Variants in ARID1B observed in about 807,000 individuals in gnomAD.
ARID1B encodes AT-rich interactive domain-containing protein 1B.
Under a neutral mutation model 212.3 loss-of-function variants are expected in ARID1B, and 30 were observed. The observed-to-expected ratio is 0.14, with a 90% CI of 0.11 to 0.19. ARID1B has a LOEUF of 0.19. Among genes scored for constraint, ARID1B ranks in the 10% least tolerant of loss-of-function variants. The pLI, the probability that ARID1B is intolerant of heterozygous loss-of-function variation, is 1.00. For missense variants in ARID1B, 2,891 were observed against 3,204.0 expected, an observed-to-expected ratio of 0.90 and a Z score of 2.36; for synonymous variants, 1,402 against 1,301.7, an observed-to-expected ratio of 1.08 and a Z score of -1.66.
chr6:157,167,205 G>A lies in ARID1B; in HGVS notation c.3235+20G>A, dbSNP rs778923987. On this transcript the variant is annotated intron_variant, in intron 9 of 19. Coordinates refer to ENST00000636930, the MANE Select transcript of ARID1B (RefSeq NM_001374828.1). ...CGGCAGGTAACCTTGGCAGCTCTGC[G>A]CTCCTGAGCCCCTCTCTCTCCCCTC... 34 of 1,599,330 alleles carry A rather than the reference G, an allele frequency of 2.1e-5. No individual in the cohort carries two copies. Among genetic ancestry groups the A allele is most frequent in the Admixed American group, 1.0e-4 (6 of 59,480 alleles).
At chr6:157,032,020 C>T (rs897442076) in intron 4 of ARID1B, among the ~76,000 whole-genome samples, 3 of 152,186 alleles carry the variant, frequency 2.0e-5, no homozygotes, top group African/African-American at 4.8e-5. Flanking sequence ...TGGTCTCGAA[C>T]TCCTGACCTC....
At chr6:156,838,638 A>G (rs2128076848) in intron 2 of ARID1B, among the ~76,000 whole-genome samples, 1 of 152,086 alleles carries the variant, frequency 6.6e-6, no homozygotes, top group South Asian at 2.1e-4. Context: ...TGGGTGCAGC[A>G]AACCAACATG....
At chr6:157,088,292 C>G (rs1475307599) in intron 5 of ARID1B, among the ~76,000 whole-genome samples, 1 of 152,192 alleles carries the variant, frequency 6.6e-6, no homozygotes, top group Non-Finnish European at 1.5e-5. Context: ...GGGGAGTAGT[C>G]CATGGCTTGA....
In ARID1B at chr6:157,070,305, A is replaced by C. The variant is rs192275315; in HGVS notation, c.2248-14357A>C. Reference sequence around the variant, plus strand: ...GTAGTACATGAAATCAGGTCTTCAGATCTTTTCTCCTTTGAATAAAAATCT... The same window carrying C: ...GTAGTACATGAAATCAGGTCTTCAGCTCTTTTCTCCTTTGAATAAAAATCT... On this transcript the variant is annotated intron_variant, in intron 4 of 19. Coordinates refer to ENST00000636930, the MANE Select transcript of ARID1B (RefSeq NM_001374828.1). Among the ~76,000 whole-genome samples, 763 of 152,160 alleles carry C rather than the reference A, an allele frequency of 5.0e-3. 8 individuals carry two copies. Among genetic ancestry groups the C allele is most frequent in the Non-Finnish European group, 6.5e-3 (445 of 68,012 alleles).
chr6:156,937,656 T>C (rs1459151619), intron 4 of ARID1B: 8 of 152,158 alleles, frequency 5.3e-5, no homozygotes, highest in Non-Finnish European at 7.3e-5. Context: ...ACTGAAGAGT[T>C]TGGTCTGGGA....
At chr6:156,882,821 A>G (rs754518785) in intron 2 of ARID1B, among the ~76,000 whole-genome samples, 7 of 152,216 alleles carry the variant, frequency 4.6e-5, no homozygotes, top group Non-Finnish European at 1.0e-4. Context: ...CAGTGACAAC[A>G]TTTTATAATG....
Position 157,197,317 on chromosome 6 carries a change from G to A in ARID1B, c.4382+1002G>A, listed in dbSNP as rs146865510. Among the ~76,000 whole-genome samples, 1,373 of 152,370 alleles carry A rather than the reference G, an allele frequency of 9.0e-3. 22 individuals carry two copies. Among genetic ancestry groups the A allele is most frequent in the African/African-American group, 0.031 (1,304 of 41,588 alleles). ...CGGGATCGCGGCCTTCGGAAGCTGC[G>A]TGTGCTGTTCTACCGGGGACCGGCT... On this transcript the variant is annotated intron_variant, in intron 16 of 19. Transcript: ENST00000636930.
intron 3 of ARID1B, among the ~76,000 whole-genome samples, chr6:156,909,525 T>G (rs1789700441): frequency 6.6e-6 from 1 of 152,212 alleles, no homozygotes; most frequent in South Asian, 2.1e-4. Context: ...TAGCCCCAGT[T>G]GTCTTCAGAA....
chr6:157,189,538 C>G (rs1231817989), intron 13 of ARID1B, 104 bp from the exon 14 acceptor site: 7 of 1,306,886 alleles, frequency 5.4e-6, no homozygotes, highest in Non-Finnish European at 6.2e-6. Context: ...AAGATGGTGT[C>G]TTATTTACAT....
chr6:156,806,573 A>G (rs1028410796), intron 1 of ARID1B, among the ~76,000 whole-genome samples: 2 of 152,208 alleles, frequency 1.3e-5, no homozygotes, highest in Non-Finnish European at 2.9e-5. Flanking sequence ...TCTAGTCCTC[A>G]CAGTAATCTT....
intron 4 of ARID1B, among the ~76,000 whole-genome samples, chr6:157,006,046 A>AC (rs967810828): frequency 4.7e-5 from 7 of 149,112 alleles, no homozygotes; most frequent in Non-Finnish European, 1.0e-4. Flanking sequence ...ACCCCACAAC[A>AC]CCCCCCATTG....
At position 157,209,481 on chromosome 6, in the gene ARID1B, C is replaced by CT. The variant is rs1413183824; in HGVS notation, c.*1591dup. On this transcript the variant is annotated 3_prime_UTR_variant, in exon 20 of 20. Transcript: ENST00000636930. ...TAGTCTTTCTTTGAAGCAATTAACT[C>CT]TAACGACATTGAGGTATGATCATTT... The CT allele has an allele frequency of 4.3e-5, 10 of 232,786 alleles. No individual in the cohort carries two copies. Among genetic ancestry groups the CT allele is most frequent in the South Asian group, 1.8e-4 (1 of 5,524 alleles). 14.4% of individuals were successfully genotyped at this position (232,786 alleles called of 1,614,324 possible). A position where few individuals can be genotyped will look rare whatever the true frequency, so the allele number is the denominator to read the frequency against.
chr6:156,837,849 G>T (rs1344121278), intron 2 of ARID1B, among the ~76,000 whole-genome samples: 1 of 152,282 alleles, frequency 6.6e-6, no homozygotes, highest in Non-Finnish European at 1.5e-5. Flanking sequence ...CTCAGGCCTC[G>T]AGAGCAACTC....
At chr6:156,833,379 A>T (rs1373212810) in intron 2 of ARID1B, among the ~76,000 whole-genome samples, 2 of 152,216 alleles carry the variant, frequency 1.3e-5, no homozygotes, top group African/African-American at 2.4e-5. Flanking sequence ...ACCCAGGAGA[A>T]ATAGCTTACA....
intron 2 of ARID1B, among the ~76,000 whole-genome samples, chr6:156,865,348 A>G (rs1174413548): frequency 6.6e-6 from 1 of 152,186 alleles, no homozygotes; most frequent in Admixed American, 6.5e-5. Flanking sequence ...TTATAGATTG[A>G]GAATGGAATT....
intron 4 of ARID1B, among the ~76,000 whole-genome samples, chr6:157,002,549 C>T (rs1416792215): frequency 8.5e-5 from 13 of 152,216 alleles, no homozygotes; most frequent in Non-Finnish European, 1.6e-4. Context: ...TTCCTGAGGC[C>T]TCCTCATTCT....
chr6:157,050,653 A>G (rs1782539697), intron 4 of ARID1B, among the ~76,000 whole-genome samples: 1 of 152,224 alleles, frequency 6.6e-6, no homozygotes, highest in African/African-American at 2.4e-5. Flanking sequence ...GAGGGCTTCA[A>G]TTTTGGTAGT....
At chr6:157,117,517 A>C (rs1196438891) in intron 6 of ARID1B, among the ~76,000 whole-genome samples, 1 of 152,158 alleles carries the variant, frequency 6.6e-6, no homozygotes, top group Non-Finnish European at 1.5e-5. Context: ...CAGGGGAAAA[A>C]GAATGAATTC....
intron 1 of ARID1B, among the ~76,000 whole-genome samples, chr6:156,824,450 A>G (rs1782599835): frequency 1.3e-5 from 2 of 152,352 alleles, no homozygotes; most frequent in East Asian, 3.9e-4. Flanking sequence ...GAAAATGGTC[A>G]TACCCGGATA....
Sources: gnomAD v4.1 joint callset for allele counts (sites outside exome capture counted in the v4.1 genomes callset) on GRCh38, gnomAD v4.1.1 for gene constraint, MANE v1.5 for transcripts, NCBI Gene and HGNC (gene_info 2026-07-23, HGNC 2026-07-21) for gene names.